Variants in RCOR3 observed in about 807,000 individuals in gnomAD.
RCOR3 encodes the protein REST corepressor 3.
In RCOR3, 13 loss-of-function variants were observed where a neutral mutation model predicts 64.1. The observed-to-expected ratio is 0.20, with a 90% CI of 0.13 to 0.32. RCOR3 has a LOEUF of 0.32. RCOR3 is among the 10% of genes least tolerant of loss of function. RCOR3 has a pLI of 1.00. For missense variants in RCOR3, 489 were observed against 701.2 expected, an observed-to-expected ratio of 0.70 and a Z score of 3.42; for synonymous variants, 215 against 239.0, an observed-to-expected ratio of 0.90 and a Z score of 0.93.
chr1:211,259,455 G>T lies in RCOR3; in HGVS notation c.-106G>T. 7 of 1,118,654 alleles carry T rather than the reference G, an allele frequency of 6.3e-6. No homozygotes were observed. The highest frequency in any genetic ancestry group is 2.9e-5 in the Admixed American group (1 of 34,996). 69.3% of individuals were successfully genotyped at this position (1,118,654 alleles called of 1,614,324 possible). A position where few individuals can be genotyped will look rare whatever the true frequency, so the allele number is the denominator to read the frequency against. On this transcript the variant is annotated 5_prime_UTR_variant, in exon 1 of 12. Coordinates refer to ENST00000419091, the MANE Select transcript of RCOR3 (RefSeq NM_001136223.3). ...CTCCTCCTCCTCCGCCGCCGCCGCC[G>T]TCTCCTCCTCCTCCTCCTTTCCCTC...
intron 10 of RCOR3, among the ~76,000 whole-genome samples, chr1:211,308,664 T>TTTC (rs1701124182): frequency 3.9e-5 from 1 of 25,704 alleles, no homozygotes; most frequent in Non-Finnish European, 1.1e-4. Flanking sequence ...TGGATGTGTT[T>TTTC]TTTTTTTTGT....
At chr1:211,288,013 C>A (rs778487218) in intron 7 of RCOR3, among the ~76,000 whole-genome samples, 14 of 151,896 alleles carry the variant, frequency 9.2e-5, no homozygotes, top group Non-Finnish European at 1.9e-4. Context: ...AGTTTGAGAC[C>A]AGCCTGGGCA....
At chr1:211,267,207 A>G (rs1695359820) in intron 2 of RCOR3, among the ~76,000 whole-genome samples, 2 of 152,206 alleles carry the variant, frequency 1.3e-5, no homozygotes, top group South Asian at 2.1e-4. Context: ...AGAGAAGGAA[A>G]ACTGAGGCAC....
intron 2 of RCOR3, among the ~76,000 whole-genome samples, chr1:211,264,640 C>T (rs1289796432): frequency 3.3e-5 from 5 of 151,762 alleles, no homozygotes; most frequent in Non-Finnish European, 5.9e-5. Flanking sequence ...GCTATGATGG[C>T]GCCACTGTAC....
At chr1:211,297,095 T>G (rs187887479) in intron 9 of RCOR3, among the ~76,000 whole-genome samples, 1 of 152,184 alleles carries the variant, frequency 6.6e-6, no homozygotes, top group African/African-American at 2.4e-5. Flanking sequence ...AACGAAAGAA[T>G]AATTAACATT....
chr1:211,279,294 C>A lies in RCOR3; in HGVS notation c.698C>A (p.Pro233His). ...GATGGGAATGATAGTGATTATGATCCCAAAAAAGAAGCCAAAAAAGAGGTA... is the reference window on the plus strand; with the variant it reads ...GATGGGAATGATAGTGATTATGATCACAAAAAAGAAGCCAAAAAAGAGGTA... ...PMDGNDSDYD[P>H]KKEAKKEGNT... The change falls in exon 7 of 12, where the codon CCC (proline) becomes CAC (histidine). Residue 233 changes from proline to histidine, a missense_variant. By Grantham distance (77) the Pro-to-His change is moderately conservative (BLOSUM62 -2). Around this residue, in one of 2 missense-constraint regions of RCOR3, gnomAD observed 402 missense variants for 617.0 expected, o/e 0.65. Coordinates refer to ENST00000419091, the MANE Select transcript of RCOR3 (RefSeq NM_001136223.3). The A allele has an allele frequency of 6.2e-7, 1 of 1,610,396 alleles. No individual in the cohort carries two copies. Among genetic ancestry groups the A allele is most frequent in the Non-Finnish European group, 8.5e-7 (1 of 1,177,920 alleles).
At chr1:211,273,877 G>A (rs1021891794) in intron 3 of RCOR3, among the ~76,000 whole-genome samples, 2 of 152,098 alleles carry the variant, frequency 1.3e-5, no homozygotes, top group Non-Finnish European at 2.9e-5. Context: ...ATTAAAAAAG[G>A]AATTATCTTA....
intron 10 of RCOR3, among the ~76,000 whole-genome samples, chr1:211,307,777 A>T (rs1200679837): frequency 6.6e-6 from 1 of 151,768 alleles, no homozygotes; most frequent in Admixed American, 6.5e-5. Flanking sequence ...CTTTAGGATA[A>T]ACAAAATTTT....
Position 211,313,817 on chromosome 1 carries a change from C to A in RCOR3, c.*49C>A. 2 of 1,445,456 alleles carry A rather than the reference C, an allele frequency of 1.4e-6. No homozygotes were observed. The highest frequency in any genetic ancestry group is 1.2e-5 in the South Asian group (1 of 83,322). The allele number at this position is 1,445,456 out of a possible 1,614,324, so 89.5% of individuals were successfully genotyped here. A position where few individuals can be genotyped will look rare whatever the true frequency, so the allele number is the denominator to read the frequency against. ...GTAACTTTTCACCCCATCATTATACCAGTGCTCATCTGACTGATGAAAAAG... is the reference window on the plus strand; with the variant it reads ...GTAACTTTTCACCCCATCATTATACAAGTGCTCATCTGACTGATGAAAAAG... On this transcript the variant is annotated 3_prime_UTR_variant, in exon 12 of 12. Coordinates refer to ENST00000419091, the MANE Select transcript of RCOR3 (RefSeq NM_001136223.3). This position sits in a 1 kb window ranked among gnomAD's most constrained non-coding sequence, Gnocchi z 4.7.
rs1273239444 is a variant in RCOR3, at chr1:211,260,278, C to G, written c.223+114C>G. 3 of 912,166 alleles carry G rather than the reference C, an allele frequency of 3.3e-6. No individual in the cohort carries two copies. The African/African-American group carries it at 4.9e-5, about 15-fold the overall frequency. 56.5% of individuals were successfully genotyped at this position (912,166 alleles called of 1,614,324 possible). A position where few individuals can be genotyped will look rare whatever the true frequency, so the allele number is the denominator to read the frequency against. On this transcript the variant is annotated intron_variant, in intron 2 of 11. Transcript: ENST00000419091. ...GGAGGGGATGCGGGGTTGGGCTGGG[C>G]AGGCATCCGTGGCGGGGAGGCTGTC...
intron 2 of RCOR3, among the ~76,000 whole-genome samples, chr1:211,265,640 AC>A (rs1450262712): frequency 6.6e-6 from 1 of 152,008 alleles, no homozygotes; most frequent in Non-Finnish European, 1.5e-5. Context: ...AATTGCTTGA[AC>A]CTGGGAGGCG....
At position 211,279,290 on chromosome 1, in the gene RCOR3, G is replaced by C; in HGVS notation, c.694G>C (p.Asp232His). 6 of 1,611,958 alleles carry C rather than the reference G, an allele frequency of 3.7e-6. No homozygotes were observed. The highest frequency in any genetic ancestry group is 5.1e-6 in the Non-Finnish European group (6 of 1,178,862). The change falls in exon 7 of 12, where the codon GAT becomes CAT. Residue 232 changes from aspartate to histidine, a missense_variant. This residue lies in a region of RCOR3 where 402 missense variants were observed against 617.0 expected (regional missense o/e 0.65). Transcript: ENST00000419091. ...HPMDGNDSDY[D>H]PKKEAKKEGN... ...AATGGATGGGAATGATAGTGATTAT[G>C]ATCCCAAAAAAGAAGCCAAAAAAGA... is the stretch of plus-strand genomic sequence containing the variant.
chr1:211,259,970 G>A, intron 1 of RCOR3, 138 bp from the exon 2 acceptor site: 2 of 1,359,622 alleles, frequency 1.5e-6, no homozygotes, highest in East Asian at 2.8e-5. Context: ...CTCCCGGAGT[G>A]CCCCGAGTTG....
chr1:211,288,280 T>C (rs891045424), intron 7 of RCOR3, among the ~76,000 whole-genome samples: 2 of 151,714 alleles, frequency 1.3e-5, no homozygotes, highest in African/African-American at 4.8e-5. Context: ...ATATAGTTTC[T>C]AGATTATTCT....
At chr1:211,289,784 A>G (rs1253650512) in intron 8 of RCOR3, among the ~76,000 whole-genome samples, 3 of 152,154 alleles carry the variant, frequency 2.0e-5, no homozygotes, top group Non-Finnish European at 2.9e-5. Context: ...CTTCATCATC[A>G]TCATCATCAT....
chr1:211,290,492 C>T (rs572261081), intron 8 of RCOR3, among the ~76,000 whole-genome samples: 5 of 152,272 alleles, frequency 3.3e-5, no homozygotes, highest in African/African-American at 4.8e-5. Flanking sequence ...CTCTTGCTAT[C>T]GCTTGCCTGA....
In RCOR3 at chr1:211,259,463, C is replaced by T. The variant is rs1264765121; in HGVS notation, c.-98C>T. On this transcript the variant is annotated 5_prime_UTR_variant, in exon 1 of 12. Coordinates refer to ENST00000419091, the MANE Select transcript of RCOR3 (RefSeq NM_001136223.3). ...CCTCCGCCGCCGCCGCCGTCTCCTC[C>T]TCCTCCTCCTTTCCCTCCCGCCCGC... The T allele has an allele frequency of 8.7e-6, 11 of 1,264,936 alleles. No homozygotes were observed. Among genetic ancestry groups the T allele is most frequent in the South Asian group, 1.4e-5 (1 of 69,798 alleles). The allele number at this position is 1,264,936 out of a possible 1,614,324, so 78.4% of individuals were successfully genotyped here.
intron 2 of RCOR3, among the ~76,000 whole-genome samples, chr1:211,267,318 A>C (rs1010446250): frequency 2.0e-5 from 3 of 152,196 alleles, no homozygotes; most frequent in Non-Finnish European, 4.4e-5. Context: ...ATTCTTAACC[A>C]TTGCACTGAA....
chr1:211,259,809 C>T, intron 1 of RCOR3, 83 bp downstream of exon 1: 3 of 1,063,814 alleles, frequency 2.8e-6, no homozygotes, highest in African/African-American at 1.9e-5. Flanking sequence ...TCGCCGCTCT[C>T]CCGCCCTCCC....
Sources: allele counts gnomAD v4.1 joint callset (sites outside exome capture counted in the v4.1 genomes callset), GRCh38; gene constraint gnomAD v4.1.1; regional missense constraint gnomAD v4.1.1; non-coding constraint Gnocchi (gnomAD v3.1); transcripts MANE v1.5; gene names NCBI Gene and HGNC (gene_info 2026-07-23, HGNC 2026-07-21).